PSMF1: variants seen among roughly 807,000 people sequenced by gnomAD.
PSMF1 encodes proteasome inhibitor PI31 subunit.
Under a neutral mutation model 29.3 loss-of-function variants are expected in PSMF1, and 30 were observed. That is an observed-to-expected ratio of 1.02 (90% CI 0.77 to 1.39). PSMF1 has a LOEUF of 1.39. PSMF1 is among the 40% of genes most tolerant of loss of function. PSMF1 has a pLI of 0.00. For synonymous variants in PSMF1, 134 were observed against 139.7 expected, an observed-to-expected ratio of 0.96 and a Z score of 0.29; for missense variants, 344 against 357.5, an observed-to-expected ratio of 0.96 and a Z score of 0.31.
chr20:1,135,693 T>A (rs1368722919), intron 4 of PSMF1, among the ~76,000 whole-genome samples: 1 of 152,232 alleles, frequency 6.6e-6, no homozygotes, highest in Non-Finnish European at 1.5e-5. Flanking sequence ...TGAGAAAATG[T>A]AAACATGTAG....
chr20:1,128,081 G>T lies in PSMF1; in HGVS notation c.365+573G>T, dbSNP rs546630051. Among the ~76,000 whole-genome samples, 5 of 152,294 alleles carry T rather than the reference G, an allele frequency of 3.3e-5. No individual in the cohort carries two copies. In the East Asian group the frequency reaches 9.6e-4, roughly 29 times the overall value. ...TCTGTGGGTTTTGACAAACAGATGA[G>T]AATGTGTGTCTATCATAGTATCACA... On this transcript the variant is annotated intron_variant, in intron 3 of 6. Transcript: ENST00000335877.
At chr20:1,158,522 C>T (rs563023245) in intron 4 of PSMF1, among the ~76,000 whole-genome samples, 3 of 152,230 alleles carry the variant, frequency 2.0e-5, no homozygotes, top group Non-Finnish European at 4.4e-5. Context: ...CAGACCACCT[C>T]AGCCATTAGA....
chr20:1,165,840 A>G lies in PSMF1; in HGVS notation c.*760A>G. ...CAGTAGTCAAAAAGCCAAGGAAAAA[A>G]CAGAGCAGACCTGAAGGCTAATCTT... On this transcript the variant is annotated 3_prime_UTR_variant, in exon 7 of 7. Transcript: ENST00000335877. 9.1e-7 allele frequency: 1 copy of G among 1,097,414 alleles called. No homozygotes were observed. Among genetic ancestry groups the G allele is most frequent in the Non-Finnish European group, 1.1e-6 (1 of 896,834 alleles). 68.0% of individuals were successfully genotyped at this position (1,097,414 alleles called of 1,614,324 possible).
intron 4 of PSMF1, among the ~76,000 whole-genome samples, chr20:1,148,032 A>G (rs2086477397): frequency 6.6e-6 from 1 of 152,144 alleles, no homozygotes; most frequent in Non-Finnish European, 1.5e-5. Flanking sequence ...CCCTCACCTT[A>G]AACACTCTTG....
At chr20:1,121,146 AAG>A (rs2086082098) in intron 1 of PSMF1, among the ~76,000 whole-genome samples, 3 of 151,916 alleles carry the variant, frequency 2.0e-5, no homozygotes, top group African/African-American at 4.8e-5. Context: ...TTTTTTTAAA[AAG>A]GTCCTTGACC....
chr20:1,113,762 A>G (rs1414780649), upstream of PSMF1, among the ~76,000 whole-genome samples: 1 of 151,640 alleles, frequency 6.6e-6, no homozygotes, highest in Non-Finnish European at 1.5e-5. Context: ...GCGCGATCTC[A>G]GCTTACTGCA....
chr20:1,113,640 T>C (rs749692567), upstream of PSMF1, among the ~76,000 whole-genome samples: 57 of 152,094 alleles, frequency 3.7e-4, no homozygotes, highest in Non-Finnish European at 6.8e-4. Flanking sequence ...CTGATGCCAG[T>C]GCCTATTCCA....
chr20:1,149,215 G>A (rs925494377), intron 4 of PSMF1, among the ~76,000 whole-genome samples: 5 of 152,166 alleles, frequency 3.3e-5, no homozygotes, highest in South Asian at 2.1e-4. Context: ...AATAATTCTA[G>A]ATATTCTTTA....
intron 3 of PSMF1, among the ~76,000 whole-genome samples, chr20:1,133,569 A>ATATATATATATTTTTTTTTTTTTTTT: frequency 1.9e-5 from 1 of 53,298 alleles, no homozygotes; most frequent in Non-Finnish European, 4.6e-5. Context: ...ATATATATAT[A>ATATATATATATTTTTTTTTTTTTTTT]TTTTTTTTTT....
At position 1,171,599 on chromosome 20, in the gene PSMF1, C is replaced by T. The variant is rs1600183629; in HGVS notation, c.*6519C>T. 6.6e-6 allele frequency among the ~76,000 whole-genome samples: 1 copy of T among 152,190 alleles called. No homozygotes were observed. Among genetic ancestry groups the T allele is most frequent in the African/African-American group, 2.4e-5 (1 of 41,444 alleles). On this transcript the variant is annotated 3_prime_UTR_variant, in exon 7 of 7. Coordinates refer to ENST00000335877, the MANE Select transcript of PSMF1 (RefSeq NM_006814.5). ...CTGAGTGACAAAAATATGCAGGACC[C>T]CTTCTTTCCCCCTCCCAGTTCCCGC...
chr20:1,152,010 G>A (rs546636522), intron 4 of PSMF1, among the ~76,000 whole-genome samples: 48 of 152,278 alleles, frequency 3.2e-4, no homozygotes, highest in Admixed American at 2.2e-3. Flanking sequence ...TTTGATCCAT[G>A]GGGTGATGGG....
At chr20:1,161,429 T>C (rs1052866682) in intron 4 of PSMF1, 14 of 436,706 alleles carry the variant, frequency 3.2e-5, no homozygotes, top group African/African-American at 2.8e-4. Flanking sequence ...TAAGGTGTGA[T>C]GTGGGCATCC....
chr20:1,165,844 A>G lies in PSMF1; in HGVS notation c.*764A>G, dbSNP rs1421920554. On this transcript the variant is annotated 3_prime_UTR_variant, in exon 7 of 7. Transcript: ENST00000335877. ...AGTCAAAAAGCCAAGGAAAAAACAG[A>G]GCAGACCTGAAGGCTAATCTTATTT... The G allele has an allele frequency of 9.0e-7, 1 of 1,114,614 alleles. No individual in the cohort carries two copies. The highest frequency in any genetic ancestry group is 1.1e-6 in the Non-Finnish European group (1 of 906,780). 69.0% of individuals were successfully genotyped at this position (1,114,614 alleles called of 1,614,324 possible). A position where few individuals can be genotyped will look rare whatever the true frequency, so the allele number is the denominator to read the frequency against.
chr20:1,164,946 C>A lies in PSMF1; in HGVS notation c.765-83C>A. 8.4e-7 allele frequency: 1 copy of A among 1,193,268 alleles called. No homozygotes were observed. The highest frequency in any genetic ancestry group is 1.2e-6 in the Non-Finnish European group (1 of 802,448). The allele number at this position is 1,193,268 out of a possible 1,614,324, so 73.9% of individuals were successfully genotyped here. Reference sequence around the variant, plus strand: ...CCGCCACATCATGTTGAAGGGCAGGCTCCCTCAGTGCAGGGTCATGTCTGC... The same window carrying A: ...CCGCCACATCATGTTGAAGGGCAGGATCCCTCAGTGCAGGGTCATGTCTGC... On this transcript the variant is annotated intron_variant, in intron 6 of 6. Coordinates refer to ENST00000335877, the MANE Select transcript of PSMF1 (RefSeq NM_006814.5). The surrounding 1 kb of genome is among the most constrained non-coding windows in gnomAD (Gnocchi z 4.1).
intron 4 of PSMF1, chr20:1,161,458 A>G (rs1329928369): frequency 4.2e-6 from 2 of 475,414 alleles, no homozygotes; most frequent in African/African-American, 4.0e-5. Context: ...CTGTATGCCA[A>G]CACGGTGCTG....
intron 4 of PSMF1, among the ~76,000 whole-genome samples, chr20:1,158,772 C>T (rs1203588044): frequency 6.6e-6 from 1 of 152,102 alleles, no homozygotes; most frequent in Non-Finnish European, 1.5e-5. Flanking sequence ...GTTCAGAGGC[C>T]ATGTACGAAA....
In PSMF1 at chr20:1,163,083, GC is replaced by G; in HGVS notation, c.552-45del. 1 of 1,602,846 alleles carries G rather than the reference GC, an allele frequency of 6.2e-7. No homozygotes were observed. On this transcript the variant is annotated intron_variant, in intron 4 of 6. Transcript: ENST00000335877. The surrounding 1 kb of genome is among the most constrained non-coding windows in gnomAD (Gnocchi z 6.1). ...GTTTGTGATCCCACATGTATCAGGT[GC>G]CTGGCTGCTCTGGGACTTGCAGTAA... is the stretch of plus-strand genomic sequence containing the variant.
chr20:1,145,031 G>A (rs1209013972), intron 4 of PSMF1, among the ~76,000 whole-genome samples: 2 of 152,024 alleles, frequency 1.3e-5, no homozygotes, highest in African/African-American at 2.4e-5. Flanking sequence ...GATTACAGAT[G>A]CCTGCCACCA....
intron 3 of PSMF1, among the ~76,000 whole-genome samples, chr20:1,133,555 G>GTGTATATATATATATATA (rs60728448): frequency 5.6e-5 from 3 of 53,976 alleles, no homozygotes; most frequent in African/African-American, 1.9e-4. Flanking sequence ...CTATATATGT[G>GTGTATATATATATATATA]TATATATATA....
Sources: gnomAD v4.1 joint callset for allele counts (sites outside exome capture counted in the v4.1 genomes callset) on GRCh38, gnomAD v4.1.1 for gene constraint, Gnocchi (gnomAD v3.1) non-coding constraint, MANE v1.5 for transcripts, NCBI Gene and HGNC (gene_info 2026-07-23, HGNC 2026-07-21) for gene names.